The following LRRIQ3 variants were observed in gnomAD, a reference collection of about 807,000 sequenced individuals.
LRRIQ3 encodes leucine rich repeats and IQ motif containing 3, also known as leucine-rich repeat and IQ domain-containing protein 3.
A neutral mutation model predicts 59.3 loss-of-function variants in LRRIQ3; 75 were observed. That is an observed-to-expected ratio of 1.26 (90% CI 1.05 to 1.53). The LOEUF (loss-of-function observed/expected upper bound fraction) is 1.53. LRRIQ3 is among the 40% of genes most tolerant of loss of function. The pLI is 0.00. For synonymous variants in LRRIQ3, 250 were observed against 231.3 expected (o/e 1.08, Z -0.73); for missense variants, 831 against 710.0 (o/e 1.17, Z -1.94).
chr1:74,054,797 C>T (rs1202571180), intron 6 of LRRIQ3, among the ~76,000 whole-genome samples: 1 of 146,436 alleles, frequency 6.8e-6, no homozygotes, highest in East Asian at 2.0e-4. Flanking sequence ...TACACACATA[C>T]ATACATACAT....
chr1:74,190,083 A>G (rs1446785338), intron 1 of LRRIQ3, among the ~76,000 whole-genome samples: 1 of 152,114 alleles, frequency 6.6e-6, no homozygotes, highest in African/African-American at 2.4e-5. Flanking sequence ...AAAAATCAAC[A>G]ACTTTTCTTA....
At chr1:74,028,070 G>A (rs1360507557) in intron 7 of LRRIQ3, among the ~76,000 whole-genome samples, 10 of 151,948 alleles carry the variant, frequency 6.6e-5, no homozygotes, top group African/African-American at 2.4e-4. Flanking sequence ...TTTATATCAC[G>A]AACATGGTCA....
At chr1:74,079,428 C>A (rs572512634) in intron 5 of LRRIQ3, among the ~76,000 whole-genome samples, 59 of 151,948 alleles carry the variant, frequency 3.9e-4, no homozygotes, top group African/African-American at 1.4e-3. Flanking sequence ...TGGCTAGCTC[C>A]TTTTCCTTCA....
intron 5 of LRRIQ3, among the ~76,000 whole-genome samples, chr1:74,099,872 ACT>A (rs1646505430): frequency 6.6e-6 from 1 of 152,088 alleles, no homozygotes; most frequent in Non-Finnish European, 1.5e-5. Flanking sequence ...CATGTGAAAA[ACT>A]CTCAATAAAT....
chr1:74,064,686 T>C (rs1185492450), intron 6 of LRRIQ3, among the ~76,000 whole-genome samples: 1 of 152,062 alleles, frequency 6.6e-6, no homozygotes, highest in East Asian at 1.9e-4. Context: ...ACCTTTATTT[T>C]TGAAAGACAC....
At chr1:74,056,196 A>G (rs1370808525) in intron 6 of LRRIQ3, among the ~76,000 whole-genome samples, 2 of 151,578 alleles carry the variant, frequency 1.3e-5, no homozygotes, top group East Asian at 3.9e-4. Flanking sequence ...TAAACTCAAC[A>G]AATTAGATAT....
chr1:74,040,957 G>T (rs1340211201), intron 7 of LRRIQ3, among the ~76,000 whole-genome samples: 2 of 152,214 alleles, frequency 1.3e-5, no homozygotes, highest in African/African-American at 4.8e-5. Context: ...GATGCCATTT[G>T]TGATAATAAG....
At chr1:74,097,766 A>G (rs1048723479) in intron 5 of LRRIQ3, among the ~76,000 whole-genome samples, 3 of 152,178 alleles carry the variant, frequency 2.0e-5, no homozygotes, top group African/African-American at 7.2e-5. Context: ...TTCTTAAAGA[A>G]AAGAATTTTC....
chr1:74,123,683 TTTTC>T (rs1646894612), intron 4 of LRRIQ3, among the ~76,000 whole-genome samples: 1 of 152,070 alleles, frequency 6.6e-6, no homozygotes, highest in African/African-American at 2.4e-5. Context: ...ATGTACCACA[TTTTC>T]TTTATTCATT....
intron 3 of LRRIQ3, among the ~76,000 whole-genome samples, chr1:74,166,851 T>C (rs1649021649): frequency 6.6e-6 from 1 of 151,556 alleles, no homozygotes; most frequent in Non-Finnish European, 1.5e-5. Flanking sequence ...ATGAAAAAAA[T>C]GCTTAACATC....
chr1:74,090,441 C>T (rs1345733430), intron 5 of LRRIQ3, among the ~76,000 whole-genome samples: 5 of 151,568 alleles, frequency 3.3e-5, no homozygotes, highest in African/African-American at 1.2e-4. Context: ...ATTTAAAATA[C>T]AGCTAAAAAG....
At chr1:74,105,720 T>C (rs1162272586) in intron 5 of LRRIQ3, among the ~76,000 whole-genome samples, 1 of 152,008 alleles carries the variant, frequency 6.6e-6, no homozygotes, top group Non-Finnish European at 1.5e-5. Context: ...GAATTGTATA[T>C]GAGAACATTT....
intron 4 of LRRIQ3, among the ~76,000 whole-genome samples, chr1:74,125,653 T>C (rs1442130884): frequency 2.0e-5 from 3 of 151,968 alleles, no homozygotes. Context: ...ATGCACCACA[T>C]TGATTGATTT....
intron 5 of LRRIQ3, among the ~76,000 whole-genome samples, chr1:74,077,573 T>G (rs1418221712): frequency 6.6e-6 from 1 of 151,980 alleles, no homozygotes; most frequent in Non-Finnish European, 1.5e-5. Flanking sequence ...GTTAGCTCCT[T>G]TTAGAAATAT....
chr1:74,116,925 G>C (rs1646784895), intron 4 of LRRIQ3, among the ~76,000 whole-genome samples: 3 of 152,004 alleles, frequency 2.0e-5, no homozygotes, highest in Admixed American at 2.0e-4. Flanking sequence ...GAGTAAATCT[G>C]CCCTGTTATG....
At chr1:74,146,559 A>G (rs1337966454) in intron 4 of LRRIQ3, among the ~76,000 whole-genome samples, 2 of 152,240 alleles carry the variant, frequency 1.3e-5, no homozygotes, top group African/African-American at 2.4e-5. Context: ...ATATAATTTC[A>G]TAACTTTGCT....
chr1:74,032,177 T>C (rs1653738849), intron 7 of LRRIQ3, among the ~76,000 whole-genome samples: 1 of 152,036 alleles, frequency 6.6e-6, no homozygotes, highest in Non-Finnish European at 1.5e-5. Context: ...ATTTTAAATG[T>C]GTTAAATTTA....
intron 4 of LRRIQ3, among the ~76,000 whole-genome samples, chr1:74,114,894 A>G (rs1353631238): frequency 1.3e-5 from 2 of 152,066 alleles, no homozygotes; most frequent in East Asian, 1.9e-4. Context: ...GAATAATGTT[A>G]AGATTTAAGT....
At chr1:74,158,026 T>C (rs1337491094) in intron 3 of LRRIQ3, among the ~76,000 whole-genome samples, 2 of 152,170 alleles carry the variant, frequency 1.3e-5, no homozygotes, top group Non-Finnish European at 2.9e-5. Context: ...CCAGAAACCC[T>C]GGAACCATCC....
Sources: gnomAD v4.1 joint callset for allele counts (sites outside exome capture counted in the v4.1 genomes callset) on GRCh38, gnomAD v4.1.1 for gene constraint, MANE v1.5 for transcripts, NCBI Gene and HGNC (gene_info 2026-07-23, HGNC 2026-07-21) for gene names.